Variants in ALG13 observed in about 807,000 individuals in gnomAD.
ALG13 encodes UDP-N-acetylglucosamine transferase subunit ALG13.
Under a neutral mutation model 87.8 loss-of-function variants are expected in ALG13, and 11 were observed. The ratio of observed to expected loss-of-function variants is 0.13; its 90% CI spans 0.08 to 0.21. The LOEUF (loss-of-function observed/expected upper bound fraction) is 0.21. Among genes scored for constraint, ALG13 ranks in the 10% least tolerant of loss-of-function variants. ALG13 has a pLI of 1.00. For missense variants in ALG13, 756 were observed against 866.1 expected (o/e 0.87, Z 1.60); for synonymous variants, 320 against 306.3 (o/e 1.04, Z -0.47).
intron 3 of ALG13, chrX:111,690,399 TGAAAA>T: frequency 1.3e-6 from 1 of 751,938 alleles, no homozygotes; most frequent in Non-Finnish European, 1.6e-6. Flanking sequence ...TTGGAGTAGA[TGAAAA>T]GAGATGTGAT....
intron 3 of ALG13, among the ~76,000 whole-genome samples, chrX:111,700,590 T>C (rs776686451): frequency 1.0e-4 from 11 of 107,395 alleles, no homozygotes; most frequent in Non-Finnish European, 2.1e-4. Context: ...TTTTTGTTTT[T>C]TTTTGAGATG....
intron 3 of ALG13, among the ~76,000 whole-genome samples, chrX:111,696,319 T>C (rs1372409778): frequency 3.6e-5 from 4 of 111,895 alleles, no homozygotes; most frequent in Non-Finnish European, 7.5e-5. Context: ...TTATCCACTG[T>C]TGAATCACAG....
chrX:111,708,543 C>G, intron 4 of ALG13, 150 bp downstream of exon 4: 1 of 658,982 alleles, frequency 1.5e-6, no homozygotes, highest in Non-Finnish European at 2.3e-6. Flanking sequence ...GCTGCCTGCT[C>G]TTATTAGCTT....
rs1602457991 is a variant in ALG13, at chrX:111,681,280, C to T, written c.62C>T (p.Ser21Leu). ...TSFDDLIACV[S>L]APDSLQKIES... Reference sequence around the variant, plus strand: ...TTTGACGACCTCATTGCGTGTGTGTCGGCGCCCGACAGTCTGCAAGTGAGT... The same window carrying T: ...TTTGACGACCTCATTGCGTGTGTGTTGGCGCCCGACAGTCTGCAAGTGAGT... Residue 21 changes from serine (S) to leucine (L), a missense_variant, in exon 1 of 27, where the codon TCG (serine) becomes TTG (leucine). Physicochemically the swap from Ser to Leu is moderately radical, Grantham distance 145. This residue lies in a region of ALG13 where 153 missense variants were observed against 168.7 expected (regional missense o/e 0.91). Transcript: ENST00000394780. 8.2e-7 allele frequency: 1 copy of T among 1,212,138 alleles called. No homozygotes were observed. The highest frequency in any genetic ancestry group is 1.1e-6 in the Non-Finnish European group (1 of 895,543).
intron 3 of ALG13, among the ~76,000 whole-genome samples, chrX:111,692,293 C>T (rs1170026916): frequency 8.9e-6 from 1 of 111,912 alleles, no homozygotes; most frequent in Non-Finnish European, 1.9e-5. Context: ...AATATAAATG[C>T]ATAATGAGAA....
At chrX:111,745,728 A>G (rs1287364777) in intron 24 of ALG13, among the ~76,000 whole-genome samples, 1 of 111,206 alleles carries the variant, frequency 9.0e-6, no homozygotes, top group African/African-American at 3.3e-5. Flanking sequence ...TTTCATTTCA[A>G]TAATGAAATT....
At chrX:111,681,558 T>G (rs193052151) in intron 1 of ALG13, 2 of 961,568 alleles carry the variant, frequency 2.1e-6, no homozygotes, top group African/African-American at 4.0e-5. Context: ...CAGCTCCTTT[T>G]CCGGTCTGCC....
chrX:111,715,274 C>CAT (rs1218430052), intron 8 of ALG13, among the ~76,000 whole-genome samples: 8 of 111,771 alleles, frequency 7.2e-5, no homozygotes, highest in Non-Finnish European at 1.3e-4. Context: ...CAGGATAGTG[C>CAT]ATATATATGT....
In ALG13 at chrX:111,703,466, C is replaced by T. The variant is rs751721513; in HGVS notation, c.384-4561C>T. 4.5e-5 allele frequency among the ~76,000 whole-genome samples: 5 copies of T among 111,169 alleles called. No homozygotes were observed. The South Asian group carries it at 1.9e-3, about 42-fold the overall frequency. Reference sequence around the variant, plus strand: ...TTTGACAAACGCGTAATCATGTAACCACTACCACAGTCGAGATGCAGAACA... The same window carrying T: ...TTTGACAAACGCGTAATCATGTAACTACTACCACAGTCGAGATGCAGAACA... On this transcript the variant is annotated intron_variant, in intron 3 of 26. Coordinates refer to ENST00000394780, the MANE Select transcript of ALG13 (RefSeq NM_001099922.3).
In ALG13 at chrX:111,711,685, G is replaced by A. The variant is rs1451535610; in HGVS notation, c.845G>A (p.Gly282Glu). 3 of 1,206,402 alleles carry A rather than the reference G, an allele frequency of 2.5e-6. No homozygotes were observed. Among genetic ancestry groups the A allele is most frequent in the East Asian group, 3.0e-5 (1 of 33,683 alleles). The change falls in exon 6 of 27, where the codon GGA (glycine) becomes GAA (glutamate). Residue 282 changes from glycine (G) to glutamate (E), a missense_variant. Coordinates refer to ENST00000394780, the MANE Select transcript of ALG13 (RefSeq NM_001099922.3). ...GTTTTATTTTTGAAGTATGTGGAGG[G>A]ATCTTTTGAGAAATACCTGGAACGG... ...NQQTFESYVE[G>E]SFEKYLERLG...
chrX:111,698,481 T>C (rs1434660808), intron 3 of ALG13, among the ~76,000 whole-genome samples: 1 of 111,332 alleles, frequency 9.0e-6, no homozygotes, highest in Non-Finnish European at 1.9e-5. Flanking sequence ...TGTCTGAAGC[T>C]TTGTACCCTT....
Position 111,723,912 on chromosome X carries a change from A to G in ALG13, c.1601+14A>G. ...ATTGGCGGAAAAGTAGGAATATGAT[A>G]ATTTGTTGAATTACTGAAATCTTTG... On this transcript the variant is annotated intron_variant, in intron 14 of 26. Transcript: ENST00000394780. 2 of 984,978 alleles carry G rather than the reference A, an allele frequency of 2.0e-6. No individual in the cohort carries two copies. The highest frequency in any genetic ancestry group is 2.8e-6 in the Non-Finnish European group (2 of 723,162). 81.2% of individuals were successfully genotyped at this position (984,978 alleles called of 1,213,427 possible).
chrX:111,699,109 T>A (rs1418680374), intron 3 of ALG13, among the ~76,000 whole-genome samples: 1 of 112,356 alleles, frequency 8.9e-6, no homozygotes, highest in African/African-American at 3.2e-5. Context: ...TAATGATTAG[T>A]GATGCTGAGC....
chrX:111,755,203 G>C (rs1168017033), intron 25 of ALG13, among the ~76,000 whole-genome samples: 1 of 111,990 alleles, frequency 8.9e-6, no homozygotes, highest in East Asian at 2.8e-4. Flanking sequence ...TTAATAAATG[G>C]TGCTGGGAAA....
rs1310418736 is a variant in ALG13, at chrX:111,760,300, G to C, written c.*301G>C. On this transcript the variant is annotated 3_prime_UTR_variant, in exon 27 of 27. Transcript: ENST00000394780. The stretch of plus-strand genomic sequence containing the variant: ...TTTATATTAGCTGATGGTACCAATT[G>C]ATAAAATGAATATAAAGTATTTCAT... 1 of 237,316 alleles carries C rather than the reference G, an allele frequency of 4.2e-6. No individual in the cohort carries two copies. 19.6% of individuals were successfully genotyped at this position (237,316 alleles called of 1,213,427 possible).
At position 111,711,411 on chromosome X, in the gene ALG13, T is replaced by G. The variant is rs16986609; in HGVS notation, c.835-264T>G. ...TCATTACTTAAATTGGCATTTCAAA[T>G]GAAACTCGAAAGCATACCATTTGAT... On this transcript the variant is annotated intron_variant, in intron 5 of 26. Transcript: ENST00000394780. Among the ~76,000 whole-genome samples the G allele has an allele frequency of 0.011, 1,287 of 112,449 alleles. 10 individuals carry two copies. Among genetic ancestry groups the G allele is most frequent in the African/African-American group, 0.031 (973 of 30,955 alleles).
At position 111,688,815 on chromosome X, in the gene ALG13, ATTGAC is replaced by A. The variant is rs1250617800; in HGVS notation, c.383+3715_383+3719del. On this transcript the variant is annotated intron_variant, in intron 3 of 26. Coordinates refer to ENST00000394780, the MANE Select transcript of ALG13 (RefSeq NM_001099922.3). ...AATGGCTTAAATATATGGTTTTAAA[ATTGAC>A]TTAACTTGAGCAAGATACATTATGA... 10 of 746,851 alleles carry A rather than the reference ATTGAC, an allele frequency of 1.3e-5. No individual in the cohort carries two copies. The South Asian group carries it at 2.8e-4, about 21-fold the overall frequency. 61.5% of individuals were successfully genotyped at this position (746,851 alleles called of 1,213,427 possible).
At chrX:111,728,719 A>G (rs1942343743) in intron 19 of ALG13, among the ~76,000 whole-genome samples, 1 of 110,910 alleles carries the variant, frequency 9.0e-6, no homozygotes, top group African/African-American at 3.3e-5. Context: ...TAGTTACTTC[A>G]TACTATGAAG....
intron 7 of ALG13, among the ~76,000 whole-genome samples, chrX:111,712,761 T>G (rs1334423457): frequency 8.9e-6 from 1 of 112,167 alleles, no homozygotes; most frequent in African/African-American, 3.2e-5. Flanking sequence ...CTGTAAAGCT[T>G]TGTTGGAACA....
Sources: allele counts gnomAD v4.1 joint callset (sites outside exome capture counted in the v4.1 genomes callset), GRCh38; gene constraint gnomAD v4.1.1; regional missense constraint gnomAD v4.1.1; transcripts MANE v1.5; gene names NCBI Gene and HGNC (gene_info 2026-07-23, HGNC 2026-07-21).